Variants in COL24A1 observed in about 807,000 individuals in gnomAD.
COL24A1 encodes collagen type XXIV alpha 1 chain, also known as collagen alpha-1(XXIV) chain.
In COL24A1, 224 loss-of-function variants were observed where a neutral mutation model predicts 253.9. The ratio of observed to expected loss-of-function variants is 0.88; its 90% CI spans 0.79 to 0.99. The LOEUF is 0.99. Ranked by LOEUF, COL24A1 falls within the 50% of genes least tolerant of loss-of-function variation. The pLI, the probability that COL24A1 is intolerant of heterozygous loss-of-function variation, is 0.00. For missense variants in COL24A1, 2,131 were observed against 2,068.5 expected, an observed-to-expected ratio of 1.03 and a Z score of -0.59; for synonymous variants, 685 against 673.7, an observed-to-expected ratio of 1.02 and a Z score of -0.26.
chr1:85,995,165 TA>T (rs1017345818), intron 19 of COL24A1, among the ~76,000 whole-genome samples: 2 of 143,598 alleles, frequency 1.4e-5, no homozygotes, highest in African/African-American at 2.5e-5. Flanking sequence ...GTATTTTTTT[TA>T]AAAAAGATTG....
At chr1:86,046,799 A>G in intron 12 of COL24A1, 26 bp downstream of exon 12, 1 of 1,610,748 alleles carries the variant, frequency 6.2e-7, no homozygotes, top group Non-Finnish European at 8.5e-7. Context: ...TGTAAAATAA[A>G]CCTCAAAAAA....
intron 20 of COL24A1, among the ~76,000 whole-genome samples, chr1:85,985,742 A>G (rs1693670275): frequency 6.6e-6 from 1 of 151,800 alleles, no homozygotes; most frequent in African/African-American, 2.4e-5. Context: ...GCATGAGGTC[A>G]TTGAAGAGTC....
chr1:86,001,687 T>C (rs902039463), intron 19 of COL24A1, among the ~76,000 whole-genome samples: 1 of 151,824 alleles, frequency 6.6e-6, no homozygotes, highest in African/African-American at 2.4e-5. Flanking sequence ...GGGCAAATTA[T>C]AGGGGAAAAA....
At chr1:85,938,239 T>C (rs1688405328) in intron 24 of COL24A1, among the ~76,000 whole-genome samples, 1 of 147,204 alleles carries the variant, frequency 6.8e-6, no homozygotes. Flanking sequence ...CCACTTACTA[T>C]CACTCTCAAT....
At chr1:85,982,010 A>G (rs1648206911) in intron 20 of COL24A1, among the ~76,000 whole-genome samples, 1 of 152,200 alleles carries the variant, frequency 6.6e-6, no homozygotes, top group African/African-American at 2.4e-5. Flanking sequence ...AAGAGGTGTC[A>G]ACAACCCAAA....
intron 53 of COL24A1, among the ~76,000 whole-genome samples, chr1:85,773,145 G>A (rs1411793255): frequency 6.6e-6 from 1 of 152,166 alleles, no homozygotes; most frequent in Non-Finnish European, 1.5e-5. Context: ...TACATTGCTT[G>A]TGTGTGTCAG....
chr1:85,834,774 G>T (rs1675811208), intron 43 of COL24A1, among the ~76,000 whole-genome samples: 1 of 152,060 alleles, frequency 6.6e-6, no homozygotes, highest in African/African-American at 2.4e-5. Flanking sequence ...AGTGGCTGTT[G>T]CCAGGATAAT....
chr1:85,784,076 G>C, intron 50 of COL24A1, 37 bp downstream of exon 50: 1 of 1,511,486 alleles, frequency 6.6e-7, no homozygotes, highest in Non-Finnish European at 9.0e-7. Context: ...TTTATTTCTA[G>C]ATAGCTAGAA....
Position 85,938,316 on chromosome 1 carries a change from C to T in COL24A1, c.2562+22933G>A, listed in dbSNP as rs187707961. ...TGAGCTCTGCAGACATGGAGGCCCT[C>T]GTCCTCAAAGGGAACACATTTTCAC... On this transcript the variant is annotated intron_variant, in intron 24 of 59. Transcript: ENST00000370571. 1.4e-3 allele frequency among the ~76,000 whole-genome samples: 202 copies of T among 146,684 alleles called. 14 individuals carry two copies. The highest frequency in any genetic ancestry group is 4.8e-3 in the African/African-American group (191 of 40,080).
chr1:86,123,053 TAAC>T (rs1647628660), intron 3 of COL24A1, among the ~76,000 whole-genome samples: 1 of 151,968 alleles, frequency 6.6e-6, no homozygotes, highest in South Asian at 2.1e-4. Flanking sequence ...GAAAGTAAAT[TAAC>T]TCTTTGGGCT....
chr1:86,074,906 T>C (rs1702137942), intron 7 of COL24A1, among the ~76,000 whole-genome samples: 2 of 152,190 alleles, frequency 1.3e-5, no homozygotes, highest in Non-Finnish European at 2.9e-5. Context: ...AAGCAGTGTT[T>C]AGAGGGAAAT....
intron 47 of COL24A1, among the ~76,000 whole-genome samples, chr1:85,798,402 A>G (rs898627034): frequency 6.6e-6 from 1 of 152,116 alleles, no homozygotes; most frequent in African/African-American, 2.4e-5. Context: ...GGGAGGGAAG[A>G]AGTACCAATC....
chr1:85,868,241 A>T (rs1193342690), intron 37 of COL24A1, among the ~76,000 whole-genome samples: 1 of 152,200 alleles, frequency 6.6e-6, no homozygotes, highest in Admixed American at 6.5e-5. Context: ...AAGATCCAAA[A>T]TATTTAATCA....
chr1:86,132,909 A>T (rs1248364705), intron 2 of COL24A1, among the ~76,000 whole-genome samples: 1 of 151,970 alleles, frequency 6.6e-6, no homozygotes, highest in Non-Finnish European at 1.5e-5. Context: ...GAAGAAAGTC[A>T]TTGGTAGCTT....
At chr1:85,767,914 T>C (rs1333000681) in intron 53 of COL24A1, among the ~76,000 whole-genome samples, 2 of 152,202 alleles carry the variant, frequency 1.3e-5, no homozygotes, top group Admixed American at 6.6e-5. Flanking sequence ...TAGACACTGA[T>C]AACCTGTGTA....
At chr1:86,055,184 A>G (rs1700580019) in intron 10 of COL24A1, among the ~76,000 whole-genome samples, 1 of 152,196 alleles carries the variant, frequency 6.6e-6, no homozygotes, top group Admixed American at 6.5e-5. Context: ...AAAACTACCT[A>G]TTGGGTACTA....
chr1:85,936,396 C>A (rs1338168763), intron 24 of COL24A1, among the ~76,000 whole-genome samples: 3 of 147,216 alleles, frequency 2.0e-5, no homozygotes, highest in African/African-American at 7.5e-5. Context: ...TAAATCACAG[C>A]ATAACTTGCT....
At position 85,781,284 on chromosome 1, in the gene COL24A1, A is replaced by G. The variant is rs1056520309; in HGVS notation, c.4285-11T>C. Reference sequence around the variant, plus strand: ...GGGACCAGTGTTTCCCTGTTGAGGTAAAAGAAAAACAGTCTCACTGTTAGT... The same window carrying G: ...GGGACCAGTGTTTCCCTGTTGAGGTGAAAGAAAAACAGTCTCACTGTTAGT... On this transcript the variant is annotated splice_polypyrimidine_tract_variant and intron_variant, in intron 51 of 59. Transcript: ENST00000370571. 1 of 1,595,132 alleles carries G rather than the reference A, an allele frequency of 6.3e-7. No homozygotes were observed. The highest frequency in any genetic ancestry group is 1.4e-5 in the African/African-American group (1 of 73,994).
At chr1:85,919,176 G>A (rs1400631031) in intron 24 of COL24A1, among the ~76,000 whole-genome samples, 2 of 152,176 alleles carry the variant, frequency 1.3e-5, no homozygotes, top group African/African-American at 2.4e-5. Flanking sequence ...AGTGTATAGA[G>A]TGCAAGTAAG....
Sources: gnomAD v4.1 joint callset for allele counts (sites outside exome capture counted in the v4.1 genomes callset) on GRCh38, gnomAD v4.1.1 for gene constraint, MANE v1.5 for transcripts, NCBI Gene and HGNC (gene_info 2026-07-23, HGNC 2026-07-21) for gene names.